Variants in SGCD observed in about 807,000 individuals in gnomAD.
The protein encoded by SGCD is delta-sarcoglycan.
A neutral mutation model predicts 36.6 loss-of-function variants in SGCD; 18 were observed. The observed-to-expected ratio is 0.49, with a 90% CI of 0.34 to 0.73. The LOEUF (loss-of-function observed/expected upper bound fraction) is 0.73. Among genes scored for constraint, SGCD ranks in the 30% least tolerant of loss-of-function variants. SGCD has a pLI of 0.01. For missense variants in SGCD, 387 were observed against 346.7 expected (o/e 1.12, Z -0.92); for synonymous variants, 133 against 130.6 (o/e 1.02, Z -0.12).
At chr5:156,586,002 TG>T (rs1429708650) in intron 4 of SGCD, among the ~76,000 whole-genome samples, 2 of 152,060 alleles carry the variant, frequency 1.3e-5, no homozygotes, top group Non-Finnish European at 2.9e-5. Flanking sequence ...TCACAATTAA[TG>T]AACCAATAAT....
chr5:156,300,791 C>T, intron 3 of SGCD, among the ~76,000 whole-genome samples: 1 of 152,054 alleles, frequency 6.6e-6, no homozygotes, highest in East Asian at 1.9e-4. Flanking sequence ...TATCTGAGCG[C>T]TCCATTCTTG....
chr5:156,751,146 C>A (rs1757135745), intron 7 of SGCD, among the ~76,000 whole-genome samples: 1 of 152,062 alleles, frequency 6.6e-6, no homozygotes, highest in African/African-American at 2.4e-5. Context: ...TTTAATTAAA[C>A]AATATTTTGC....
intron 7 of SGCD, among the ~76,000 whole-genome samples, chr5:156,697,637 C>T (rs996561519): frequency 2.6e-5 from 4 of 152,202 alleles, no homozygotes; most frequent in Admixed American, 2.0e-4. Context: ...CTGTTTCACA[C>T]TCTATCATAA....
chr5:155,944,367 AT>A (rs1265709919), intron 1 of SGCD, among the ~76,000 whole-genome samples: 2 of 152,236 alleles, frequency 1.3e-5, no homozygotes, highest in African/African-American at 4.8e-5. Context: ...TGCAGATGCC[AT>A]TCCAGACAAT....
intron 3 of SGCD, among the ~76,000 whole-genome samples, chr5:156,132,126 T>A (rs1762338551): frequency 6.6e-6 from 1 of 152,170 alleles, no homozygotes; most frequent in Non-Finnish European, 1.5e-5. Context: ...TAGAGACTGC[T>A]TTTGTGGGTA....
intron 3 of SGCD, among the ~76,000 whole-genome samples, chr5:156,135,307 C>T (rs1464532638): frequency 6.6e-6 from 1 of 152,094 alleles, no homozygotes; most frequent in Non-Finnish European, 1.5e-5. Flanking sequence ...TCCTCCTACC[C>T]ACTATATCCA....
chr5:156,040,059 G>A (rs535821421), intron 1 of SGCD, among the ~76,000 whole-genome samples: 1 of 152,266 alleles, frequency 6.6e-6, no homozygotes, highest in South Asian at 2.1e-4. Flanking sequence ...TTAGCAAAGA[G>A]CTGTCATCCA....
chr5:156,166,962 C>A (rs1025670045), intron 3 of SGCD, among the ~76,000 whole-genome samples: 16 of 152,138 alleles, frequency 1.1e-4, no homozygotes, highest in African/African-American at 3.9e-4. Context: ...GGCTTGCTCT[C>A]CTTGATTCTC....
chr5:156,219,499 A>G (rs1209128829), intron 3 of SGCD, among the ~76,000 whole-genome samples: 1 of 151,728 alleles, frequency 6.6e-6, no homozygotes, highest in Non-Finnish European at 1.5e-5. Context: ...AAGCATCTGA[A>G]TCTGATATTT....
At chr5:156,728,943 C>G (rs1470275363) in intron 7 of SGCD, among the ~76,000 whole-genome samples, 2 of 152,176 alleles carry the variant, frequency 1.3e-5, no homozygotes, top group Non-Finnish European at 2.9e-5. Flanking sequence ...TTGTTTACAT[C>G]TGTAATTAAT....
the SGCD span, among the ~76,000 whole-genome samples, chr5:155,857,722 C>A: frequency 6.6e-6 from 1 of 151,830 alleles, no homozygotes; most frequent in Non-Finnish European, 1.5e-5. Context: ...TATAAAGGGA[C>A]TTCTTAAAGT....
intron 3 of SGCD, among the ~76,000 whole-genome samples, chr5:156,191,314 T>G (rs1763887014): frequency 6.6e-6 from 1 of 152,128 alleles, no homozygotes; most frequent in Non-Finnish European, 1.5e-5. Flanking sequence ...TGCTAGATTT[T>G]TATTAGTTAA....
upstream of SGCD, among the ~76,000 whole-genome samples, chr5:155,870,132 A>G (rs575478878): frequency 2.0e-5 from 3 of 152,260 alleles, no homozygotes; most frequent in Non-Finnish European, 2.9e-5. Context: ...GCAGTGTGAT[A>G]TACTGGTGAG....
intron 3 of SGCD, among the ~76,000 whole-genome samples, chr5:156,125,013 G>A (rs1762137301): frequency 6.6e-6 from 1 of 152,154 alleles, no homozygotes; most frequent in Admixed American, 6.6e-5. Flanking sequence ...AAGTCTCTGT[G>A]CTCACTGTAG....
At chr5:155,799,527 A>G in the SGCD span, among the ~76,000 whole-genome samples, 1 of 151,402 alleles carries the variant, frequency 6.6e-6, no homozygotes, top group African/African-American at 2.4e-5. Context: ...TTGAATAGCT[A>G]GGATTACAGG....
chr5:155,811,312 G>A, the SGCD span, among the ~76,000 whole-genome samples: 1 of 152,204 alleles, frequency 6.6e-6, no homozygotes, highest in South Asian at 2.1e-4. Flanking sequence ...AACAAATTGT[G>A]GGCTTTTGAA....
At position 155,939,658 on chromosome 5, in the gene SGCD, AAT is replaced by A. The variant is rs1554105768; in HGVS notation, c.-282+69236_-282+69237del. ...AGACTCTCTCTCAAAAAAAAAAAAA[AAT>A]AATAATAATGAAAAAAATCTCATGC... On this transcript the variant is annotated intron_variant, in intron 1 of 9. Transcript: ENST00000517913. 4.4e-3 allele frequency among the ~76,000 whole-genome samples: 582 copies of A among 132,400 alleles called. 4 individuals carry two copies. The highest frequency in any genetic ancestry group is 0.013 in the African/African-American group (496 of 38,730). 86.9% of individuals were successfully genotyped at this position (132,400 alleles called of 152,430 possible).
chr5:155,774,802 T>C, the SGCD span, among the ~76,000 whole-genome samples: 2,904 of 152,160 alleles, frequency 0.019, 64 homozygotes, highest in East Asian at 0.13. Flanking sequence ...AAAGTCCCTT[T>C]TGTCACAGGA....
At chr5:155,838,818 G>T in the SGCD span, among the ~76,000 whole-genome samples, 1 of 150,670 alleles carries the variant, frequency 6.6e-6, no homozygotes, top group Non-Finnish European at 1.5e-5. Flanking sequence ...ATTTTTTTGG[G>T]GGGGAATATA....
Sources: allele counts gnomAD v4.1 joint callset (sites outside exome capture counted in the v4.1 genomes callset), GRCh38; gene constraint gnomAD v4.1.1; transcripts MANE v1.5; gene names NCBI Gene and HGNC (gene_info 2026-07-23, HGNC 2026-07-21).